DHX35: variants seen among roughly 807,000 people sequenced by gnomAD.
The protein encoded by DHX35 is DEAH-box helicase 35.
A neutral mutation model predicts 99.6 loss-of-function variants in DHX35; 84 were observed. The observed-to-expected ratio is 0.84, with a 90% CI of 0.71 to 1.01. The LOEUF (loss-of-function observed/expected upper bound fraction) is 1.01, where lower values mean the gene tolerates loss of function less well. Among genes scored for constraint, DHX35 ranks in the 50% least tolerant of loss-of-function variants. The probability of loss-of-function intolerance (pLI) is 0.00; values close to 1 mark genes in which losing one functional copy is unlikely to be tolerated. For missense variants in DHX35, 852 were observed against 888.5 expected (o/e 0.96, Z 0.52); for synonymous variants, 331 against 316.2 (o/e 1.05, Z -0.50).
intron 1 of DHX35, among the ~76,000 whole-genome samples, chr20:38,963,259 C>T (rs2085862676): frequency 6.6e-6 from 1 of 152,194 alleles, no homozygotes. Flanking sequence ...TAAATTACAG[C>T]TACCAGCTTG....
In DHX35 at chr20:38,992,424, A is replaced by T; in HGVS notation, c.581A>T (p.Lys194Met). The change falls in exon 7 of 22, where the codon AAG becomes ATG. Residue 194 changes from lysine to methionine, a missense_variant and splice_region_variant. Lys to Met is a moderately conservative substitution (Grantham distance 95). Coordinates refer to ENST00000252011, the MANE Select transcript of DHX35 (RefSeq NM_021931.4). ...GACATTGCCATTGGCTTGCTAAAAA[A>T]GGTATGACTTCACTGCCAGCTTTTC... ...YTDIAIGLLKKIQKKRGDLRL... is the reference protein window; with the variant it reads ...YTDIAIGLLKMIQKKRGDLRL... 6.2e-7 allele frequency: 1 copy of T among 1,614,032 alleles called. No individual in the cohort carries two copies.
At chr20:39,023,878 T>A in intron 17 of DHX35, 111 bp downstream of exon 17, 1 of 862,786 alleles carries the variant, frequency 1.2e-6, no homozygotes, top group Non-Finnish European at 1.8e-6. Context: ...AAGAGAGCCC[T>A]TGATTTTCCT....
intron 3 of DHX35, among the ~76,000 whole-genome samples, chr20:38,979,456 A>G (rs1198606067): frequency 6.6e-6 from 1 of 152,260 alleles, no homozygotes; most frequent in Admixed American, 6.5e-5. Flanking sequence ...TTCAAAAAGA[A>G]CAAAGGAATA....
At chr20:39,027,940 A>C (rs905648504) in intron 18 of DHX35, among the ~76,000 whole-genome samples, 1 of 152,260 alleles carries the variant, frequency 6.6e-6, no homozygotes, top group African/African-American at 2.4e-5. Flanking sequence ...GTTAAAATGG[A>C]ACATTTGAAA....
intron 4 of DHX35, 136 bp from the exon 5 acceptor site, chr20:38,988,677 A>G: frequency 8.0e-7 from 1 of 1,245,596 alleles, no homozygotes; most frequent in East Asian, 2.7e-5. Flanking sequence ...CTTGTTCTCT[A>G]ATAACTTGTC....
chr20:38,977,812 T>C, intron 3 of DHX35: 2 of 537,388 alleles, frequency 3.7e-6, no homozygotes, highest in Non-Finnish European at 7.2e-6. Context: ...GATCTTGGTG[T>C]TGGTGGTATT....
In DHX35 at chr20:38,962,355, C is replaced by A; in HGVS notation, c.-13C>A. 6.2e-7 allele frequency: 1 copy of A among 1,611,834 alleles called. No individual in the cohort carries two copies. The highest frequency in any genetic ancestry group is 8.5e-7 in the Non-Finnish European group (1 of 1,178,928). On this transcript the variant is annotated 5_prime_UTR_variant, in exon 1 of 22. Coordinates refer to ENST00000252011, the MANE Select transcript of DHX35 (RefSeq NM_021931.4). ...GGTGGGGTGGAGCTAGCCTCGTGAC[C>A]TTTTACCCCAACATGGCTGCGCCCG...
chr20:39,003,060 G>C (rs970394292), intron 10 of DHX35, among the ~76,000 whole-genome samples, 192 bp downstream of exon 10: 1 of 152,188 alleles, frequency 6.6e-6, no homozygotes, highest in Non-Finnish European at 1.5e-5. Flanking sequence ...GCCCCTGCCT[G>C]TTCTGTCTGC....
rs1215310823 is a variant in DHX35 at position 39,029,208 on chromosome 20, G to GT, written c.1883+710dup. On this transcript the variant is annotated intron_variant, in intron 19 of 21. Transcript: ENST00000252011. ...ATAACCTCAGTGTAGCCTCCTAAAAGTGTAGCTATCATCATTTTCTGTTCT... is the reference window on the plus strand; with the variant it reads ...ATAACCTCAGTGTAGCCTCCTAAAAGTTGTAGCTATCATCATTTTCTGTTCT... The GT allele has an allele frequency of 2.6e-5, 4 of 152,074 alleles. No individual in the cohort carries two copies. The South Asian group carries it at 6.2e-4, about 24-fold the overall frequency. The allele number at this position is 152,074 out of a possible 1,614,324, so 9.4% of individuals were successfully genotyped here.
chr20:39,036,453 C>T lies in DHX35; in HGVS notation c.2068-2046C>T, dbSNP rs186615151. ...AGAAATCACCTAGTGCGGCCGAGCACGGTGGCTCACGCCTGTAATCCCAGC... is the reference window on the plus strand; with the variant it reads ...AGAAATCACCTAGTGCGGCCGAGCATGGTGGCTCACGCCTGTAATCCCAGC... On this transcript the variant is annotated intron_variant, in intron 21 of 21. Transcript: ENST00000252011. Among the ~76,000 whole-genome samples the T allele has an allele frequency of 2.4e-3, 358 of 152,008 alleles. 2 individuals carry two copies. Among genetic ancestry groups the T allele is most frequent in the African/African-American group, 8.2e-3 (342 of 41,492 alleles).
intron 3 of DHX35, among the ~76,000 whole-genome samples, chr20:38,982,806 T>C (rs1490024654): frequency 1.3e-5 from 2 of 152,224 alleles, no homozygotes; most frequent in African/African-American, 4.8e-5. Flanking sequence ...AACTATTAGA[T>C]GTTAGAAAAA....
intron 3 of DHX35, among the ~76,000 whole-genome samples, chr20:38,981,443 C>A (rs2086170730): frequency 6.6e-6 from 1 of 152,054 alleles, no homozygotes; most frequent in Admixed American, 6.6e-5. Context: ...TGTTAAAGCC[C>A]AATACTGTCA....
intron 4 of DHX35, among the ~76,000 whole-genome samples, chr20:38,986,988 GGCT>G (rs1250661208): frequency 6.6e-6 from 1 of 152,174 alleles, no homozygotes; most frequent in East Asian, 1.9e-4. Context: ...CTGAGCCTGG[GGCT>G]GCTGGGGTGG....
intron 21 of DHX35, 135 bp downstream of exon 21, chr20:39,034,452 A>T (rs975203118): frequency 1.2e-5 from 8 of 661,032 alleles, no homozygotes; most frequent in Non-Finnish European, 1.3e-5. Context: ...GGCCATTACC[A>T]TATCCCCAAA....
At position 38,972,586 on chromosome 20, in the gene DHX35, G is replaced by A; in HGVS notation, c.202G>A (p.Glu68Lys). 1 of 1,612,238 alleles carries A rather than the reference G, an allele frequency of 6.2e-7. No homozygotes were observed. The highest frequency in any genetic ancestry group is 2.2e-5 in the East Asian group (1 of 44,822). Reference sequence around the variant, plus strand: ...TAGGAATCATATTTTATACTTGATAGAAAATTATCAGACAGTGGTGATTGT... The same window carrying A: ...TAGGAATCATATTTTATACTTGATAAAAAATTATCAGACAGTGGTGATTGT... ...KLRNHILYLI[E>K]NYQTVVIVGE... The change falls in exon 3 of 22, where the codon GAA becomes AAA. Residue 68 changes from glutamate (E) to lysine (K), a missense_variant. Glu to Lys is a moderately conservative substitution (Grantham distance 56). Transcript: ENST00000252011.
In DHX35 at chr20:38,990,245, G is replaced by A. The variant is rs116576459; in HGVS notation, c.451-1209G>A. Reference sequence around the variant, plus strand: ...ATTGGTGGAAGTTCTCACTACGTATGTATGTGGCAGCTAGTACCAGGTCCA... The same window carrying A: ...ATTGGTGGAAGTTCTCACTACGTATATATGTGGCAGCTAGTACCAGGTCCA... On this transcript the variant is annotated intron_variant, in intron 5 of 21. Transcript: ENST00000252011. Among the ~76,000 whole-genome samples, 1,003 of 152,304 alleles carry A rather than the reference G, an allele frequency of 6.6e-3. 8 individuals are homozygous for A. Among genetic ancestry groups the A allele is most frequent in the African/African-American group, 0.022 (906 of 41,548 alleles).
At chr20:39,001,247 C>G (rs889617027) in intron 8 of DHX35, among the ~76,000 whole-genome samples, 2 of 152,160 alleles carry the variant, frequency 1.3e-5, no homozygotes, top group African/African-American at 4.8e-5. Context: ...TGGCCTAAAA[C>G]CAGTAACAAT....
intron 4 of DHX35, 61 bp downstream of exon 4, chr20:38,983,837 A>G: frequency 1.4e-6 from 2 of 1,456,340 alleles, no homozygotes; most frequent in East Asian, 4.7e-5. Context: ...TGATTTGTTT[A>G]CATTTCCTAA....
In DHX35 at chr20:38,996,849, C is replaced by G. The variant is rs1408922205; in HGVS notation, c.642+1969C>G. On this transcript the variant is annotated intron_variant, in intron 8 of 21. Coordinates refer to ENST00000252011, the MANE Select transcript of DHX35 (RefSeq NM_021931.4). ...CCCTGTTTAATTGTCATCTCCCTCA[C>G]CCATGGTATCTGCTGGCATGCTATT... is the stretch of plus-strand genomic sequence containing the variant. 2.0e-5 allele frequency among the ~76,000 whole-genome samples: 3 copies of G among 152,190 alleles called. No homozygotes were observed. In the East Asian group the frequency reaches 5.8e-4, roughly 29 times the overall value.
Sources: gnomAD v4.1 joint callset for allele counts (sites outside exome capture counted in the v4.1 genomes callset) on GRCh38, gnomAD v4.1.1 for gene constraint, MANE v1.5 for transcripts, NCBI Gene and HGNC (gene_info 2026-07-23, HGNC 2026-07-21) for gene names.